Variants in CADPS2 observed in about 807,000 individuals in gnomAD.
The protein encoded by CADPS2 is calcium-dependent secretion activator 2.
A neutral mutation model predicts 172.5 loss-of-function variants in CADPS2; 93 were observed. The ratio of observed to expected loss-of-function variants is 0.54; its 90% CI spans 0.46 to 0.64. The LOEUF (loss-of-function observed/expected upper bound fraction) is 0.64. CADPS2 is among the 30% of genes least tolerant of loss of function. The pLI is 0.00. For synonymous variants in CADPS2, 546 were observed against 555.2 expected, an observed-to-expected ratio of 0.98 and a Z score of 0.23; for missense variants, 1,420 against 1,565.9, an observed-to-expected ratio of 0.91 and a Z score of 1.57.
At chr7:122,487,132 C>G (rs538282432) in intron 11 of CADPS2, among the ~76,000 whole-genome samples, 1 of 151,494 alleles carries the variant, frequency 6.6e-6, no homozygotes, top group African/African-American at 2.4e-5. Flanking sequence ...TACTTCAAGC[C>G]TCCCAAGTGC....
At chr7:122,407,086 TATC>T in intron 20 of CADPS2, among the ~76,000 whole-genome samples, 1 of 152,342 alleles carries the variant, frequency 6.6e-6, no homozygotes, top group South Asian at 2.1e-4. Context: ...AATATCTCCC[TATC>T]ATCTGTACAA....
At chr7:122,724,677 G>A (rs143979714) in intron 2 of CADPS2, among the ~76,000 whole-genome samples, 4 of 152,096 alleles carry the variant, frequency 2.6e-5, no homozygotes, top group South Asian at 4.1e-4. Flanking sequence ...CATAAACTCC[G>A]TCAGTCACAC....
At chr7:122,443,604 C>T (rs2051670588) in intron 15 of CADPS2, among the ~76,000 whole-genome samples, 1 of 144,794 alleles carries the variant, frequency 6.9e-6, no homozygotes, top group Non-Finnish European at 1.5e-5. Context: ...TTTTTTTTTA[C>T]CAAAGTGATA....
intron 17 of CADPS2, chr7:122,425,868 T>A (rs2049111913): frequency 6.6e-6 from 1 of 152,210 alleles, no homozygotes; most frequent in Non-Finnish European, 1.5e-5. Flanking sequence ...ATTCTTTCCA[T>A]GTCATTTGTT....
chr7:122,719,933 C>T (rs1489264068), intron 2 of CADPS2, among the ~76,000 whole-genome samples: 1 of 152,022 alleles, frequency 6.6e-6, no homozygotes, highest in Non-Finnish European at 1.5e-5. Context: ...AATACAAGCT[C>T]ATATAAACCA....
intron 9 of CADPS2, among the ~76,000 whole-genome samples, chr7:122,496,273 T>C (rs1456578481): frequency 6.6e-6 from 1 of 152,184 alleles, no homozygotes; most frequent in African/African-American, 2.4e-5. Flanking sequence ...TCAATACTCC[T>C]GCCTCAGCTT....
At chr7:122,625,786 C>CACACACACACATATATAT (rs1426894868) in intron 4 of CADPS2, among the ~76,000 whole-genome samples, 1 of 151,900 alleles carries the variant, frequency 6.6e-6, no homozygotes, top group African/African-American at 2.4e-5. Flanking sequence ...TGCCCTCCCA[C>CACACACACACATATATAT]ACACACACAC....
chr7:122,383,257 C>A (rs1407472397), intron 24 of CADPS2, among the ~76,000 whole-genome samples: 1 of 151,906 alleles, frequency 6.6e-6, no homozygotes. Flanking sequence ...TGCATGTTCT[C>A]ACTTATAAGT....
intron 1 of CADPS2, among the ~76,000 whole-genome samples, chr7:122,836,261 A>C (rs1808375640): frequency 6.6e-6 from 1 of 152,194 alleles, no homozygotes; most frequent in African/African-American, 2.4e-5. Flanking sequence ...GCCTGCCCTA[A>C]AAGAGCTCCT....
chr7:122,457,236 A>C (rs1417983845), intron 14 of CADPS2, among the ~76,000 whole-genome samples: 1 of 152,212 alleles, frequency 6.6e-6, no homozygotes, highest in African/African-American at 2.4e-5. Flanking sequence ...AGCAGAAGAG[A>C]AAATATCAAT....
rs771969548 is a variant in CADPS2, at chr7:122,554,583, C to T, written c.1442G>A (p.Arg481Gln). The T allele has an allele frequency of 6.8e-6, 11 of 1,610,982 alleles. No individual in the cohort carries two copies. Among genetic ancestry groups the T allele is most frequent in the African/African-American group, 4.0e-5 (3 of 74,710 alleles). Reference protein sequence around the residue: ...DSDLKIKLAVRMDKPAHMKHS... With the variant: ...DSDLKIKLAVQMDKPAHMKHS... ...CTTCATATGTGCTGGTTTATCCATT[C>T]GCACTGCCAGTTTGATTTTTAAGTC... Residue 481 changes from arginine to glutamine, a missense_variant, in exon 8 of 30, where the codon CGA becomes CAA. Transcript: ENST00000449022.
chr7:122,725,140 A>G (rs900077004), intron 2 of CADPS2, among the ~76,000 whole-genome samples: 1 of 151,994 alleles, frequency 6.6e-6, no homozygotes, highest in African/African-American at 2.4e-5. Context: ...TTTGGTGATA[A>G]TGACACAGGC....
chr7:122,774,102 A>G (rs1460880298), intron 1 of CADPS2, among the ~76,000 whole-genome samples: 2 of 152,192 alleles, frequency 1.3e-5, no homozygotes, highest in South Asian at 2.1e-4. Context: ...AAAAAAGAGA[A>G]AGAATAACTT....
intron 1 of CADPS2, among the ~76,000 whole-genome samples, chr7:122,762,833 C>T (rs1205109903): frequency 6.6e-6 from 1 of 152,108 alleles, no homozygotes; most frequent in Non-Finnish European, 1.5e-5. Context: ...TGATACACTT[C>T]ATCACCCTAC....
chr7:122,777,251 T>G (rs1195771684), intron 1 of CADPS2, among the ~76,000 whole-genome samples: 1 of 152,142 alleles, frequency 6.6e-6, no homozygotes, highest in Non-Finnish European at 1.5e-5. Context: ...AAGTAGGCAG[T>G]CCAGGGAAGG....
At chr7:122,580,414 C>G (rs2068644301) in intron 7 of CADPS2, among the ~76,000 whole-genome samples, 1 of 149,304 alleles carries the variant, frequency 6.7e-6, no homozygotes, top group African/African-American at 2.5e-5. Context: ...GGTTGTGCCA[C>G]TGCACTCCAG....
intron 14 of CADPS2, among the ~76,000 whole-genome samples, chr7:122,462,657 C>T (rs77327717): frequency 2.6e-5 from 4 of 152,056 alleles, no homozygotes; most frequent in African/African-American, 9.7e-5. Flanking sequence ...TATAGAAAGG[C>T]TAACGATGTG....
chr7:122,409,941 G>A lies in CADPS2; in HGVS notation c.2590-2245C>T, dbSNP rs114021581. Among the ~76,000 whole-genome samples, 365 of 152,324 alleles carry A rather than the reference G, an allele frequency of 2.4e-3. 3 individuals are homozygous for A. The highest frequency in any genetic ancestry group is 8.4e-3 in the African/African-American group (351 of 41,576). ...GGGTTAAAGTTCTTTTGGCTTTAAT[G>A]CTAAGCCACTAATTAGTGTAAATGA... On this transcript the variant is annotated intron_variant, in intron 19 of 29. Coordinates refer to ENST00000449022, the MANE Select transcript of CADPS2 (RefSeq NM_017954.11).
chr7:122,666,228 T>C (rs2159827), intron 2 of CADPS2, among the ~76,000 whole-genome samples: 108,440 of 152,056 alleles, frequency 0.71, 38,850 homozygotes, highest in Middle Eastern at 0.78. Flanking sequence ...AAAAGTTGTA[T>C]CTCAAGGTGG....
Sources: gnomAD v4.1 joint callset for allele counts (sites outside exome capture counted in the v4.1 genomes callset) on GRCh38, gnomAD v4.1.1 for gene constraint, MANE v1.5 for transcripts, NCBI Gene and HGNC (gene_info 2026-07-23, HGNC 2026-07-21) for gene names.